The following NCOA6 variants were observed in gnomAD, a reference collection of about 807,000 sequenced individuals.
NCOA6 encodes NRC RAP250.
NCOA6 carries 49 observed loss-of-function variants against 171.4 expected under a neutral mutation model. The observed-to-expected ratio is 0.29, with a 90% CI of 0.23 to 0.36. The LOEUF is 0.36. Among genes scored for constraint, NCOA6 ranks in the 10% least tolerant of loss-of-function variants. The pLI is 1.00. For missense variants in NCOA6, 2,248 were observed against 2,554.5 expected, an observed-to-expected ratio of 0.88 and a Z score of 2.59; for synonymous variants, 910 against 927.5, an observed-to-expected ratio of 0.98 and a Z score of 0.34.
At chr20:34,727,883 CCTG>C (rs1990162966) in intron 13 of NCOA6, among the ~76,000 whole-genome samples, 1 of 151,910 alleles carries the variant, frequency 6.6e-6, no homozygotes, top group Non-Finnish European at 1.5e-5. Flanking sequence ...GACACCACGC[CCTG>C]CTAATTTTTG....
At chr20:34,749,258 A>C in intron 9 of NCOA6, 145 bp downstream of exon 9, 1 of 1,053,772 alleles carries the variant, frequency 9.5e-7, no homozygotes, top group Non-Finnish European at 1.4e-6. Context: ...GATGAAGGCA[A>C]GACAGACTAT....
Position 34,736,128 on chromosome 20 carries a change from G to A in NCOA6, c.5962+562C>T, listed in dbSNP as rs978648059. Among the ~76,000 whole-genome samples, 9 of 152,152 alleles carry A rather than the reference G, an allele frequency of 5.9e-5. No homozygotes were observed. In the South Asian group the frequency reaches 6.2e-4, roughly 11 times the overall value. On this transcript the variant is annotated intron_variant, in intron 12 of 14. Transcript: ENST00000359003. ...CAGCAGTTATTTGTCAGATTACCAT[G>A]GGATCCTACTTCCAGAAATATCATC...
intron 2 of NCOA6, among the ~76,000 whole-genome samples, chr20:34,791,243 A>T (rs918534011): frequency 6.6e-6 from 1 of 152,250 alleles, no homozygotes; most frequent in Admixed American, 6.5e-5. Flanking sequence ...TACAGAAAGT[A>T]GCACATTTAA....
At chr20:34,796,371 CACTCTGGGGG>C (rs2078073952) in intron 1 of NCOA6, among the ~76,000 whole-genome samples, 1 of 151,950 alleles carries the variant, frequency 6.6e-6, no homozygotes, top group African/African-American at 2.4e-5. Flanking sequence ...GTAATCCCAT[CACTCTGGGGG>C]TGCTGAGGAG....
At chr20:34,768,964 C>T (rs1358764152) in intron 4 of NCOA6, among the ~76,000 whole-genome samples, 2 of 151,860 alleles carry the variant, frequency 1.3e-5, no homozygotes, top group African/African-American at 4.8e-5. Context: ...TCCTAGACTT[C>T]CTTTTGGTAA....
intron 5 of NCOA6, among the ~76,000 whole-genome samples, chr20:34,760,297 G>A (rs956774390): frequency 2.0e-5 from 3 of 152,136 alleles, no homozygotes; most frequent in African/African-American, 4.8e-5. Context: ...AAGTGACAAC[G>A]CCTATACTTA....
chr20:34,726,099 A>C (rs1471248757), intron 14 of NCOA6, among the ~76,000 whole-genome samples: 2 of 152,204 alleles, frequency 1.3e-5, no homozygotes, highest in African/African-American at 2.4e-5. Flanking sequence ...AAGACAACAG[A>C]GAGTTCTTGG....
chr20:34,805,156 A>G (rs552398208), intron 1 of NCOA6, among the ~76,000 whole-genome samples: 1 of 151,398 alleles, frequency 6.6e-6, no homozygotes, highest in Non-Finnish European at 1.5e-5. Context: ...CTTGTGCCTC[A>G]GTCTCCCTAG....
chr20:34,816,886 C>T (rs1488836694), intron 1 of NCOA6, among the ~76,000 whole-genome samples: 10 of 151,270 alleles, frequency 6.6e-5, no homozygotes, highest in Admixed American at 2.6e-4. Flanking sequence ...TTTGGGAGGC[C>T]GAGGCAGGTG....
chr20:34,746,562 T>C (rs2076307588), intron 10 of NCOA6, among the ~76,000 whole-genome samples: 1 of 152,206 alleles, frequency 6.6e-6, no homozygotes, highest in African/African-American at 2.4e-5. Context: ...AGTCCGATTT[T>C]ATGAGGACTT....
chr20:34,722,013 C>G (rs145279706), intron 14 of NCOA6, among the ~76,000 whole-genome samples: 1,967 of 133,388 alleles, frequency 0.015, 39 homozygotes, highest in African/African-American at 0.053. Flanking sequence ...GATGATAGTG[C>G]CATTGCACTC....
chr20:34,757,707 A>G lies in NCOA6; in HGVS notation c.1041T>C (p.Ala347=). The G allele has an allele frequency of 6.2e-7, 1 of 1,614,050 alleles. No individual in the cohort carries two copies. The highest frequency in any genetic ancestry group is 8.5e-7 in the Non-Finnish European group (1 of 1,179,988). The change falls in exon 7 of 15, where the codon GCT becomes GCC. Residue 347 remains alanine (A), a synonymous_variant. Transcript: ENST00000359003. ...TMTANQGWKK[A]PLPGPMQQQL... The stretch of plus-strand genomic sequence containing the variant: ...GCTGTTGCATTGGGCCGGGCAAGGG[A>G]GCCTTCTTCCACCCTTGGTTTGCAG...
intron 1 of NCOA6, among the ~76,000 whole-genome samples, chr20:34,822,796 T>A (rs2064393630): frequency 6.6e-6 from 1 of 152,204 alleles, no homozygotes; most frequent in Admixed American, 6.5e-5. Context: ...AGATAGGACT[T>A]CAGTGGGGCT....
At chr20:34,729,138 A>G (rs1353133680) in intron 13 of NCOA6, among the ~76,000 whole-genome samples, 4 of 152,280 alleles carry the variant, frequency 2.6e-5, no homozygotes, top group Non-Finnish European at 5.9e-5. Flanking sequence ...TTTAGTAAAG[A>G]TGGGGTTTCA....
intron 1 of NCOA6, among the ~76,000 whole-genome samples, chr20:34,813,109 A>G (rs1279654346): frequency 1.3e-5 from 2 of 151,196 alleles, no homozygotes; most frequent in African/African-American, 4.9e-5. Context: ...CAGTGAGTCG[A>G]GATCACGCCA....
At chr20:34,783,537 G>A (rs560160070) in intron 2 of NCOA6, among the ~76,000 whole-genome samples, 22 of 152,094 alleles carry the variant, frequency 1.4e-4, no homozygotes, top group East Asian at 7.7e-4. Flanking sequence ...CAGCATTTGC[G>A]GTAAGCAAAA....
Position 34,825,499 on chromosome 20 carries a change from G to C in NCOA6, c.-191C>G, listed in dbSNP as rs1190522399. ...GAGCGCGGCCCCGGCCCTCCCGGGC[G>C]GGCCTTGGAGCGCCGGCCCGGGCCG... On this transcript the variant is annotated 5_prime_UTR_variant, in exon 1 of 15. Transcript: ENST00000359003. The C allele has an allele frequency of 1.4e-5, 2 of 147,968 alleles. No individual in the cohort carries two copies. The highest frequency in any genetic ancestry group is 4.9e-5 in the African/African-American group (2 of 40,720). 9.2% of individuals were successfully genotyped at this position (147,968 alleles called of 1,614,324 possible).
At chr20:34,795,388 G>C (rs1239481925) in intron 1 of NCOA6, among the ~76,000 whole-genome samples, 1 of 152,186 alleles carries the variant, frequency 6.6e-6, no homozygotes. Flanking sequence ...TTGATGTGAT[G>C]TAACTTTAAA....
intron 1 of NCOA6, among the ~76,000 whole-genome samples, chr20:34,793,768 G>C (rs960184989): frequency 1.3e-5 from 2 of 151,780 alleles, no homozygotes; most frequent in Non-Finnish European, 2.9e-5. Context: ...AGTGATAAAA[G>C]AACAAATCTC....
Sources: gnomAD v4.1 joint callset for allele counts (sites outside exome capture counted in the v4.1 genomes callset) on GRCh38, gnomAD v4.1.1 for gene constraint, MANE v1.5 for transcripts, NCBI Gene and HGNC (gene_info 2026-07-23, HGNC 2026-07-21) for gene names.